The following PCDH17 variants were observed in gnomAD, a reference collection of about 807,000 sequenced individuals.
The protein encoded by PCDH17 is protocadherin 17, also known as protocadherin-17.
A neutral mutation model predicts 67.7 loss-of-function variants in PCDH17; 21 were observed. The observed-to-expected ratio is 0.31, with a 90% confidence interval of 0.22 to 0.45. The LOEUF is 0.45. Ranked by LOEUF, PCDH17 falls within the 20% of genes least tolerant of loss-of-function variation. The pLI, the probability that PCDH17 is intolerant of heterozygous loss-of-function variation, is 1.00. For missense variants in PCDH17, 1,471 were observed against 1,564.8 expected (o/e 0.94, Z 1.01); for synonymous variants, 701 against 656.7 (o/e 1.07, Z -1.03).
chr13:57,642,131 A>G (rs1203866947), intron 1 of PCDH17, among the ~76,000 whole-genome samples: 1 of 151,788 alleles, frequency 6.6e-6, no homozygotes, highest in Non-Finnish European at 1.5e-5. Flanking sequence ...AGATAAATAT[A>G]ATTTTGTAAA....
rs1048134945 is a variant in PCDH17, at chr13:57,724,919, A to G, written c.3105A>G (p.Ala1035=). 13 of 1,614,148 alleles carry G rather than the reference A, an allele frequency of 8.1e-6. No homozygotes were observed. Among genetic ancestry groups the G allele is most frequent in the Non-Finnish European group, 1.1e-5 (13 of 1,179,984 alleles). The change falls in exon 4 of 4, where the codon GCA becomes GCG. Residue 1035 remains alanine, a synonymous_variant. Coordinates refer to ENST00000377918, the MANE Select transcript of PCDH17 (RefSeq NM_001040429.3). ...CTCTCCTCCAAGAGGTCCCCTCAGC[A>G]TCAAGCAGCCCAACCAAGGCGTGCA... ...LSPLLQEVPS[A]SSSPTKACIE... is the part of the protein sequence containing the mutation.
chr13:57,635,190 A>G, intron 1 of PCDH17, 79 bp downstream of exon 1: 1 of 1,446,538 alleles, frequency 6.9e-7, no homozygotes. Context: ...GAACAGGGCA[A>G]GCCACTCTGC....
chr13:57,724,903 A>G lies in PCDH17; in HGVS notation c.3089A>G (p.Gln1030Arg), dbSNP rs761396212. The change falls in exon 4 of 4, where the codon CAA becomes CGA. Residue 1030 changes from glutamine (Q) to arginine (R), a missense_variant. Gln to Arg is a conservative substitution (Grantham distance 43). This residue lies in a region of PCDH17 where 297 missense variants were observed against 298.6 expected (regional missense o/e 0.99). Coordinates refer to ENST00000377918, the MANE Select transcript of PCDH17 (RefSeq NM_001040429.3). ...AAACGTGCCCTGAGCCCTCTCCTCC[A>G]AGAGGTCCCCTCAGCATCAAGCAGC... ...KAKRALSPLLQEVPSASSSPT... is the reference protein window; with the variant it reads ...KAKRALSPLLREVPSASSSPT... 4.3e-6 allele frequency: 7 copies of G among 1,614,180 alleles called. No homozygotes were observed. The highest frequency in any genetic ancestry group is 3.3e-5 in the Admixed American group (2 of 60,014).
At chr13:57,723,388 A>G (rs1454494393) in intron 3 of PCDH17, among the ~76,000 whole-genome samples, 1 of 152,184 alleles carries the variant, frequency 6.6e-6, no homozygotes, top group Non-Finnish European at 1.5e-5. Context: ...GGTTTCATAT[A>G]TAACTTTGAG....
chr13:57,683,498 AAGAT>A (rs1478929501), intron 3 of PCDH17, among the ~76,000 whole-genome samples: 1 of 151,886 alleles, frequency 6.6e-6, no homozygotes, highest in Admixed American at 6.6e-5. Flanking sequence ...TCTTGAGAGA[AAGAT>A]AGAAAAACTT....
At chr13:57,699,786 A>T (rs1197481670) in intron 3 of PCDH17, among the ~76,000 whole-genome samples, 1 of 152,076 alleles carries the variant, frequency 6.6e-6, no homozygotes, top group African/African-American at 2.4e-5. Flanking sequence ...ATCTTCAGTC[A>T]ATAAATATAC....
rs141074169 is a variant in PCDH17 at position 57,701,033 on chromosome 13, A to G, written c.2798-23579A>G. 6.1e-3 allele frequency among the ~76,000 whole-genome samples: 921 copies of G among 152,172 alleles called. 11 individuals are homozygous for G. Among genetic ancestry groups the G allele is most frequent in the African/African-American group, 0.021 (876 of 41,540 alleles). On this transcript the variant is annotated intron_variant, in intron 3 of 3. Transcript: ENST00000377918. Reference sequence around the variant, plus strand: ...TAATATAATAATAACAGCAACAATAATGTCCTTCTTTTGAGTCACCATTTT... The same window carrying G: ...TAATATAATAATAACAGCAACAATAGTGTCCTTCTTTTGAGTCACCATTTT...
At chr13:57,719,444 T>G (rs1955854789) in intron 3 of PCDH17, among the ~76,000 whole-genome samples, 1 of 152,144 alleles carries the variant, frequency 6.6e-6, no homozygotes, top group South Asian at 2.1e-4. Flanking sequence ...ATTTATCTCA[T>G]CATTATAGAA....
chr13:57,632,318 C>A lies in PCDH17; in HGVS notation c.-229C>A. The A allele has an allele frequency of 1.7e-6, 1 of 581,892 alleles. No homozygotes were observed. Among genetic ancestry groups the A allele is most frequent in the Non-Finnish European group, 3.0e-6 (1 of 330,044 alleles). 36.0% of individuals were successfully genotyped at this position (581,892 alleles called of 1,614,324 possible). ...TCCAAGCCCCTGCAGCTCTGCTGCA[C>A]CGCAGCTTCTCACCCAGTGCGGATG... is the stretch of plus-strand genomic sequence containing the variant. On this transcript the variant is annotated 5_prime_UTR_variant, in exon 1 of 4. Transcript: ENST00000377918.
intron 3 of PCDH17, among the ~76,000 whole-genome samples, chr13:57,701,921 G>A (rs538078034): frequency 6.6e-6 from 1 of 151,970 alleles, no homozygotes; most frequent in East Asian, 1.9e-4. Flanking sequence ...AACAATAACT[G>A]TACGGGTTTT....
intron 3 of PCDH17, among the ~76,000 whole-genome samples, chr13:57,718,339 A>T (rs1955841232): frequency 6.6e-6 from 1 of 152,080 alleles, no homozygotes; most frequent in African/African-American, 2.4e-5. Context: ...CACAGGAAAA[A>T]ATAATTTTGA....
At chr13:57,673,127 G>A (rs1411436402) in intron 3 of PCDH17, among the ~76,000 whole-genome samples, 3 of 151,910 alleles carry the variant, frequency 2.0e-5, no homozygotes, top group African/African-American at 7.2e-5. Flanking sequence ...TAATCTAAAT[G>A]GGTCCAGGTG....
At position 57,707,443 on chromosome 13, in the gene PCDH17, G is replaced by A. The variant is rs970075371; in HGVS notation, c.2798-17169G>A. On this transcript the variant is annotated intron_variant, in intron 3 of 3. Coordinates refer to ENST00000377918, the MANE Select transcript of PCDH17 (RefSeq NM_001040429.3). Reference sequence around the variant, plus strand: ...AGCCCCCAGCAGAATCAACTTTAATGTCATTATTTCCTTCAATAGTATATT... The same window carrying A: ...AGCCCCCAGCAGAATCAACTTTAATATCATTATTTCCTTCAATAGTATATT... Among the ~76,000 whole-genome samples the A allele has an allele frequency of 2.0e-5, 3 of 151,150 alleles. No homozygotes were observed. The East Asian group carries it at 5.9e-4, about 30-fold the overall frequency.
At chr13:57,713,423 G>C (rs1395048795) in intron 3 of PCDH17, among the ~76,000 whole-genome samples, 1 of 151,576 alleles carries the variant, frequency 6.6e-6, no homozygotes, top group Non-Finnish European at 1.5e-5. Context: ...TTTTAGAGAG[G>C]TAATTCCAAG....
intron 3 of PCDH17, among the ~76,000 whole-genome samples, chr13:57,699,595 T>A (rs1396416395): frequency 1.3e-5 from 2 of 152,008 alleles, no homozygotes; most frequent in Non-Finnish European, 2.9e-5. Context: ...TCTTTTTTTT[T>A]ACAAGGCGTG....
chr13:57,635,133 T>C, intron 1 of PCDH17, 22 bp downstream of exon 1: 1 of 1,610,334 alleles, frequency 6.2e-7, no homozygotes, highest in South Asian at 1.1e-5. Flanking sequence ...TTAGCATAAC[T>C]GGGAGTTCAC....
chr13:57,690,446 A>G (rs1464829461), intron 3 of PCDH17, among the ~76,000 whole-genome samples: 1 of 151,688 alleles, frequency 6.6e-6, no homozygotes, highest in Non-Finnish European at 1.5e-5. Flanking sequence ...GATTATATTC[A>G]AAGGTTCTTT....
At position 57,725,904 on chromosome 13, in the gene PCDH17, A is replaced by G. The variant is rs1355416082; in HGVS notation, c.*610A>G. 2.0e-5 allele frequency: 3 copies of G among 152,630 alleles called. No individual in the cohort carries two copies. Among genetic ancestry groups the G allele is most frequent in the Non-Finnish European group, 4.4e-5 (3 of 68,040 alleles). The allele number at this position is 152,630 out of a possible 1,614,324, so 9.5% of individuals were successfully genotyped here. ...AGGAACATTCCATATCATTAGTCGA[A>G]AACAAAAACAAAAAAAAAACCTTTG... On this transcript the variant is annotated 3_prime_UTR_variant, in exon 4 of 4. Coordinates refer to ENST00000377918, the MANE Select transcript of PCDH17 (RefSeq NM_001040429.3).
intron 3 of PCDH17, among the ~76,000 whole-genome samples, chr13:57,717,502 C>T (rs1171989465): frequency 6.6e-6 from 1 of 151,918 alleles, no homozygotes; most frequent in African/African-American, 2.4e-5. Flanking sequence ...TTAAAACCAT[C>T]CCTGAAGGTG....
Sources: gnomAD v4.1 joint callset for allele counts (sites outside exome capture counted in the v4.1 genomes callset) on GRCh38, gnomAD v4.1.1 for gene constraint, gnomAD v4.1.1 regional missense constraint, MANE v1.5 for transcripts, NCBI Gene and HGNC (gene_info 2026-07-23, HGNC 2026-07-21) for gene names.